The following DOCK9 variants were observed in gnomAD, a reference collection of about 807,000 sequenced individuals.
DOCK9 encodes dedicator of cytokinesis 9.
DOCK9 carries 89 observed loss-of-function variants against 263.3 expected under a neutral mutation model. The ratio of observed to expected loss-of-function variants is 0.34; its 90% CI spans 0.28 to 0.40. The LOEUF is 0.40. DOCK9 is among the 10% of genes least tolerant of loss of function. DOCK9 has a pLI of 1.00. For missense variants in DOCK9, 2,140 were observed against 2,603.4 expected (o/e 0.82, Z 3.87); for synonymous variants, 976 against 973.1 (o/e 1.00, Z -0.06).
chr13:99,001,733 C>A (rs1397083077), intron 1 of DOCK9, among the ~76,000 whole-genome samples: 1 of 152,250 alleles, frequency 6.6e-6, no homozygotes, highest in Non-Finnish European at 1.5e-5. Context: ...CCTGAGATAT[C>A]TGCCATGAGG....
chr13:98,980,789 C>T (rs1028799498), upstream of DOCK9, among the ~76,000 whole-genome samples: 1 of 152,212 alleles, frequency 6.6e-6, no homozygotes, highest in Non-Finnish European at 1.5e-5. Flanking sequence ...ATTCTTCCCT[C>T]TCTGTGGCTT....
intron 7 of DOCK9, among the ~76,000 whole-genome samples, 169 bp from the exon 8 acceptor site, chr13:98,915,672 G>A (rs1310433723): frequency 2.4e-5 from 3 of 122,686 alleles, no homozygotes; most frequent in Non-Finnish European, 3.4e-5. Flanking sequence ...TCCCATTACC[G>A]TCCACCTTCC....
At chr13:99,086,211 T>C in intron 1 of DOCK9, 1 of 1,492,038 alleles carries the variant, frequency 6.7e-7, no homozygotes, top group Non-Finnish European at 8.9e-7. Flanking sequence ...CCCGCGGTCG[T>C]CCCGCACTCA....
In DOCK9 at chr13:99,086,231, C is replaced by A. The variant is rs1010706221; in HGVS notation, c.121G>T (p.Val41Leu). Residue 41 changes from valine (V) to leucine (L), a missense_variant, in exon 1 of 33, where the codon GTG (valine) becomes TTG (leucine). Coordinates refer to the DOCK9 transcript ENST00000427887. ...GGTCGTCCCGCACTCACCAGGAGCA[C>A]GGAGCCGCGCACCACCTCAGACACG... 24 of 1,503,764 alleles carry A rather than the reference C, an allele frequency of 1.6e-5. No individual in the cohort carries two copies. In the African/African-American group the frequency reaches 3.0e-4, roughly 19 times the overall value. 93.2% of individuals were successfully genotyped at this position (1,503,764 alleles called of 1,614,324 possible). A position where few individuals can be genotyped will look rare whatever the true frequency, so the allele number is the denominator to read the frequency against.
At chr13:98,882,251 T>A (rs568914723) in intron 23 of DOCK9, among the ~76,000 whole-genome samples, 1 of 151,478 alleles carries the variant, frequency 6.6e-6, no homozygotes, top group South Asian at 2.1e-4. Context: ...GGTGTGCCCA[T>A]GGAATCGCAA....
In DOCK9 at chr13:98,888,650, CATT is replaced by C. The variant is rs2138970229; in HGVS notation, c.1768_1770del (p.Asn590del). 1 of 1,613,852 alleles carries C rather than the reference CATT, an allele frequency of 6.2e-7. No individual in the cohort carries two copies. The highest frequency in any genetic ancestry group is 8.5e-7 in the Non-Finnish European group (1 of 1,179,806). On this transcript the variant is annotated inframe_deletion, in exon 16 of 53. Transcript: ENST00000682017. ...CACTTACTAGGGAAGTCTGAGGAAA[CATT>C]ATCAATTGTAATGTCTAGATTGCCT...
chr13:98,850,895 C>A (rs772736664), intron 35 of DOCK9, among the ~76,000 whole-genome samples: 4 of 152,076 alleles, frequency 2.6e-5, no homozygotes, highest in Non-Finnish European at 4.4e-5. Context: ...ATATTTTACA[C>A]TGAGGTTGAG....
At chr13:99,008,380 C>T (rs986655884) in intron 1 of DOCK9, among the ~76,000 whole-genome samples, 8 of 151,860 alleles carry the variant, frequency 5.3e-5, no homozygotes, top group African/African-American at 1.2e-4. Flanking sequence ...ATTATAGGTG[C>T]CTGCCACCAC....
chr13:98,977,649 G>T, intron 1 of DOCK9, 135 bp downstream of exon 1: 1 of 678,298 alleles, frequency 1.5e-6, no homozygotes, highest in Non-Finnish European at 2.4e-6. Flanking sequence ...TACAGGGAAA[G>T]AGTGGAGTTC....
At chr13:98,964,453 T>A (rs373794132) in intron 1 of DOCK9, among the ~76,000 whole-genome samples, 1 of 152,128 alleles carries the variant, frequency 6.6e-6, no homozygotes, top group Non-Finnish European at 1.5e-5. Context: ...AGATTGAGGA[T>A]TCCCTGCAGA....
At chr13:98,820,106 G>C (rs938912921) in intron 45 of DOCK9, among the ~76,000 whole-genome samples, 3 of 152,218 alleles carry the variant, frequency 2.0e-5, no homozygotes, top group African/African-American at 7.2e-5. Context: ...GCAAGGTTCA[G>C]TTCCTGGGAG....
At chr13:99,067,014 G>C (rs2041451159) in intron 1 of DOCK9, among the ~76,000 whole-genome samples, 1 of 152,184 alleles carries the variant, frequency 6.6e-6, no homozygotes, top group African/African-American at 2.4e-5. Context: ...CTACTACCCA[G>C]AAGGCTGACT....
intron 1 of DOCK9, among the ~76,000 whole-genome samples, chr13:99,005,039 G>T (rs897727701): frequency 1.3e-4 from 20 of 151,674 alleles, no homozygotes; most frequent in Non-Finnish European, 7.4e-5. Context: ...TATTTTGCTG[G>T]GACTTCTTTT....
chr13:98,823,703 GC>G (rs1259686556), intron 45 of DOCK9, among the ~76,000 whole-genome samples: 2 of 152,240 alleles, frequency 1.3e-5, no homozygotes, highest in Admixed American at 1.3e-4. Context: ...ATGAGTGAAT[GC>G]CAGCAGAAAA....
chr13:99,086,501 G>A (rs934061574), exon 1 of DOCK9: 12 of 380,808 alleles, frequency 3.2e-5, no homozygotes, highest in East Asian at 1.6e-4. Context: ...CCGCGAGTCC[G>A]GCCGCCGCAG....
chr13:98,986,261 C>G (rs1462263729), intron 1 of DOCK9, among the ~76,000 whole-genome samples: 1 of 152,232 alleles, frequency 6.6e-6, no homozygotes, highest in Non-Finnish European at 1.5e-5. Context: ...AGGTGCAAAG[C>G]TGGTGGACCA....
At chr13:98,817,106 T>C (rs1193339670) in intron 45 of DOCK9, among the ~76,000 whole-genome samples, 3 of 152,250 alleles carry the variant, frequency 2.0e-5, no homozygotes, top group Non-Finnish European at 2.9e-5. Context: ...GCAAGATATC[T>C]GTATACAGCA....
chr13:99,076,710 G>T (rs9554551), intron 1 of DOCK9, among the ~76,000 whole-genome samples: 42,252 of 151,944 alleles, frequency 0.28, 6,220 homozygotes, highest in East Asian at 0.43. Flanking sequence ...AGGATAAAAT[G>T]AAGATATAGA....
At chr13:99,005,464 A>T (rs1295380247) in intron 1 of DOCK9, among the ~76,000 whole-genome samples, 2 of 152,176 alleles carry the variant, frequency 1.3e-5, no homozygotes, top group Admixed American at 6.5e-5. Context: ...TAAAGAAAAA[A>T]ATGGGGAGTA....
Sources: gnomAD v4.1 joint callset for allele counts (sites outside exome capture counted in the v4.1 genomes callset) on GRCh38, gnomAD v4.1.1 for gene constraint, MANE v1.5 for transcripts, NCBI Gene and HGNC (gene_info 2026-07-23, HGNC 2026-07-21) for gene names.